Variants in SLC22A8 observed in about 807,000 individuals in gnomAD.
The protein encoded by SLC22A8 is organic anion transporter 3.
Under a neutral mutation model 48.4 loss-of-function variants are expected in SLC22A8, and 40 were observed. The observed-to-expected ratio is 0.83, with a 90% confidence interval of 0.64 to 1.08. SLC22A8 has a LOEUF of 1.08. Among genes scored for constraint, SLC22A8 ranks in the 50% least tolerant of loss-of-function variants. SLC22A8 has a pLI of 0.00. For missense variants in SLC22A8, 606 were observed against 699.0 expected (o/e 0.87, Z 1.50); for synonymous variants, 268 against 286.3 (o/e 0.94, Z 0.65).
intron 9 of SLC22A8, 31 bp downstream of exon 9, chr11:62,993,739 G>A: frequency 6.3e-7 from 1 of 1,589,392 alleles, no homozygotes; most frequent in South Asian, 1.1e-5. Flanking sequence ...TGTGTCCTCT[G>A]GCTGGGCCTG....
intron 8 of SLC22A8, 101 bp downstream of exon 8, chr11:62,994,441 A>C (rs2086384213): frequency 1.2e-6 from 1 of 848,114 alleles, no homozygotes; most frequent in Non-Finnish European, 1.9e-6. Flanking sequence ...GGACCTGCTC[A>C]AGGTAACACA....
rs1466156241 is a variant in SLC22A8, at chr11:63,000,723, TCAGA to T, written c.430_433del (p.Ser144ThrfsTer9). 6.2e-7 allele frequency: 1 copy of T among 1,608,154 alleles called. No homozygotes were observed. The highest frequency in any genetic ancestry group is 8.5e-7 in the Non-Finnish European group (1 of 1,174,588). ...GGGCTGTGCCCCCATGTCTCACCTGTCAGACAGGTCTCCAAGCACGAGCCCTCCA... is the reference window on the plus strand; with the variant it reads ...GGGCTGTGCCCCCATGTCTCACCTGTCAGGTCTCCAAGCACGAGCCCTCCA... On this transcript the variant is annotated frameshift_variant, in exon 3 of 11. Transcript: ENST00000336232. LOFTEE classifies it high-confidence loss of function.
At chr11:63,011,739 AC>A (rs2135145878) in intron 2 of SLC22A8, among the ~76,000 whole-genome samples, 1 of 151,990 alleles carries the variant, frequency 6.6e-6, no homozygotes, top group South Asian at 2.1e-4. Context: ...TCCACAAACT[AC>A]CCTCTAAGGG....
chr11:63,011,514 A>T (rs2086618938), intron 2 of SLC22A8, among the ~76,000 whole-genome samples: 1 of 152,062 alleles, frequency 6.6e-6, no homozygotes, highest in African/African-American at 2.4e-5. Flanking sequence ...TCACCTGTAC[A>T]TTTGGAAACT....
At chr11:62,999,976 C>T (rs1289899252) in intron 3 of SLC22A8, 134 bp from the exon 4 acceptor site, 3 of 640,346 alleles carry the variant, frequency 4.7e-6, no homozygotes, top group African/African-American at 1.9e-5. Flanking sequence ...AGCTCCCTCC[C>T]CAGACACAGC....
intron 2 of SLC22A8, among the ~76,000 whole-genome samples, chr11:63,003,393 G>A (rs2086520375): frequency 1.3e-5 from 2 of 152,192 alleles, no homozygotes; most frequent in Non-Finnish European, 2.9e-5. Flanking sequence ...GAGTGGCCCA[G>A]CATGGCCAGC....
At chr11:63,011,818 C>T (rs1320296865) in intron 2 of SLC22A8, among the ~76,000 whole-genome samples, 1 of 152,132 alleles carries the variant, frequency 6.6e-6, no homozygotes, top group African/African-American at 2.4e-5. Flanking sequence ...CCACCACAGT[C>T]ACTGGCTCCC....
In SLC22A8 at chr11:62,999,004, G is replaced by T; in HGVS notation, c.678C>A (p.Pro226=). ...ACTGGGGGATGGCGTAGGCCAGGCC[G>T]GGCAGAATGAACTGGCCAAAGGTGT... The part of the protein sequence containing the change: ...YCYTFGQFIL[P]GLAYAIPQWR... The change falls in exon 5 of 11, where the codon CCC becomes CCA. Residue 226 remains proline (P), a synonymous_variant. Coordinates refer to ENST00000336232, the MANE Select transcript of SLC22A8 (RefSeq NM_004254.4). 1 of 1,614,152 alleles carries T rather than the reference G, an allele frequency of 6.2e-7. No individual in the cohort carries two copies. Among genetic ancestry groups the T allele is most frequent in the Non-Finnish European group, 8.5e-7 (1 of 1,179,970 alleles).
At chr11:62,994,835 A>G in intron 7 of SLC22A8, 79 bp from the exon 8 acceptor site, 1 of 1,057,138 alleles carries the variant, frequency 9.5e-7, no homozygotes, top group East Asian at 2.4e-5. Flanking sequence ...GGTCACCAGG[A>G]TGATGAATAG....
chr11:62,995,772 C>T lies in SLC22A8; in HGVS notation c.933G>A (p.Lys311=), dbSNP rs758118129. ...TCCGGAACAGGTCACTTGCGGTGTACTTGGCCTTGGCCAAGGAGATCTCCT... is the reference window on the plus strand; with the variant it reads ...TCCGGAACAGGTCACTTGCGGTGTATTTGGCCTTGGCCAAGGAGATCTCCT... ...LQKEISLAKA[K]YTASDLFRIP... is the part of the protein sequence containing the mutation. The change falls in exon 7 of 11, where the codon AAG becomes AAA. Residue 311 remains lysine (K), a synonymous_variant. Coordinates refer to ENST00000336232, the MANE Select transcript of SLC22A8 (RefSeq NM_004254.4). 6.2e-7 allele frequency: 1 copy of T among 1,614,090 alleles called. No homozygotes were observed.
In SLC22A8 at chr11:62,999,073, A is replaced by G. The variant is rs1420506181; in HGVS notation, c.609T>C (p.Pro203=). Residue 203 remains proline (P), a synonymous_variant, in exon 5 of 11, where the codon CCT becomes CCC. Transcript: ENST00000336232. ...TCGACATGATGGCCCGCATCCGGGT[A>G]GGCACCCATTCCACATCTGTGGGAG... is the stretch of plus-strand genomic sequence containing the variant. ...STVILNVEWV[P]TRMRAIMSTA... is the part of the protein sequence containing the mutation. The G allele has an allele frequency of 2.5e-6, 4 of 1,613,508 alleles. No homozygotes were observed. Among genetic ancestry groups the G allele is most frequent in the Non-Finnish European group, 3.4e-6 (4 of 1,179,472 alleles).
chr11:63,000,876 G>A, intron 2 of SLC22A8, 53 bp from the exon 3 acceptor site: 1 of 1,369,992 alleles, frequency 7.3e-7, no homozygotes, highest in African/African-American at 1.4e-5. Context: ...AGCCTGCTCA[G>A]CCATGCTCAG....
At chr11:63,003,979 T>C (rs1590696206) in intron 2 of SLC22A8, among the ~76,000 whole-genome samples, 2 of 152,248 alleles carry the variant, frequency 1.3e-5, no homozygotes, top group South Asian at 4.1e-4. Flanking sequence ...ACCTAGCCTA[T>C]CCTGATACAT....
intron 2 of SLC22A8, among the ~76,000 whole-genome samples, chr11:63,008,659 A>C (rs2086583341): frequency 6.6e-6 from 1 of 152,180 alleles, no homozygotes; most frequent in South Asian, 2.1e-4. Flanking sequence ...CTCAATTCAC[A>C]ATAGCTGTCT....
intron 4 of SLC22A8, 143 bp from the exon 5 acceptor site, chr11:62,999,232 C>A: frequency 1.5e-6 from 1 of 675,020 alleles, no homozygotes; most frequent in Non-Finnish European, 2.5e-6. Context: ...TTGGGTCTTC[C>A]TGCTGTTCTG....
chr11:62,996,672 C>G (rs1234650044), intron 5 of SLC22A8, among the ~76,000 whole-genome samples: 2 of 152,200 alleles, frequency 1.3e-5, no homozygotes, highest in African/African-American at 4.8e-5. Flanking sequence ...AAAGGACTAA[C>G]TCTGCTGGGG....
intron 2 of SLC22A8, among the ~76,000 whole-genome samples, chr11:63,006,466 G>T (rs1310489012): frequency 6.6e-6 from 1 of 151,950 alleles, no homozygotes; most frequent in South Asian, 2.1e-4. Context: ...TAGGTAAGGT[G>T]CTCCTCATTT....
intron 2 of SLC22A8, among the ~76,000 whole-genome samples, chr11:63,004,447 A>G (rs2086532520): frequency 2.0e-5 from 3 of 152,200 alleles, no homozygotes; most frequent in Admixed American, 2.0e-4. Context: ...CATTTCAAGC[A>G]TGCTCCTACC....
chr11:63,014,787 C>CT lies in SLC22A8; in HGVS notation c.171dup (p.Gly58ArgfsTer14). ...GGGCCCATGGGGAGCACCCAAGGCC[C>CT]TGTGGAGGCATTGTGGGGCGGGCGA... On this transcript the variant is annotated frameshift_variant, in exon 2 of 11. Transcript: ENST00000336232. LOFTEE classifies it high-confidence loss of function. 1 of 1,613,368 alleles carries CT rather than the reference C, an allele frequency of 6.2e-7. No homozygotes were observed. The highest frequency in any genetic ancestry group is 1.1e-5 in the South Asian group (1 of 91,034).
Sources: allele counts gnomAD v4.1 joint callset (sites outside exome capture counted in the v4.1 genomes callset), GRCh38; gene constraint gnomAD v4.1.1; transcripts MANE v1.5; gene names NCBI Gene and HGNC (gene_info 2026-07-23, HGNC 2026-07-21).